Variants in CRTAC1 observed in about 807,000 individuals in gnomAD.
CRTAC1 encodes the protein acidic secreted protein in cartilage.
Under a neutral mutation model 67.8 loss-of-function variants are expected in CRTAC1, and 37 were observed. That is an observed-to-expected ratio of 0.55 (90% CI 0.42 to 0.72). The LOEUF is 0.72. Among genes scored for constraint, CRTAC1 ranks in the 30% least tolerant of loss-of-function variants. The probability of loss-of-function intolerance (pLI) is 0.00; values close to 1 mark genes in which losing one functional copy is unlikely to be tolerated. For synonymous variants in CRTAC1, 348 were observed against 371.0 expected (o/e 0.94, Z 0.71); for missense variants, 780 against 931.6 (o/e 0.84, Z 2.12).
chr10:97,876,467 C>T lies in CRTAC1; in HGVS notation c.1819+3782G>A, dbSNP rs540932051. The stretch of plus-strand genomic sequence containing the variant: ...TGAGCAGAATAAAAATGGTATTATT[C>T]TTATTATTTCTTTTTTGTTGAAAAA... On this transcript the variant is annotated intron_variant, in intron 14 of 14. Transcript: ENST00000370597. Among the ~76,000 whole-genome samples, 4 of 152,150 alleles carry T rather than the reference C, an allele frequency of 2.6e-5. No individual in the cohort carries two copies. The South Asian group carries it at 6.2e-4, about 24-fold the overall frequency.
intron 12 of CRTAC1, among the ~76,000 whole-genome samples, chr10:97,883,413 G>A (rs1266021938): frequency 6.6e-6 from 1 of 152,208 alleles, no homozygotes; most frequent in Non-Finnish European, 1.5e-5. Context: ...GCCCATATGG[G>A]GGTCTCAGAG....
chr10:97,987,122 T>C (rs2051995421), intron 2 of CRTAC1, among the ~76,000 whole-genome samples: 1 of 152,166 alleles, frequency 6.6e-6, no homozygotes, highest in Non-Finnish European at 1.5e-5. Context: ...AGAAAAAATA[T>C]CTGAAACACA....
intron 11 of CRTAC1, among the ~76,000 whole-genome samples, chr10:97,886,059 A>G (rs941914283): frequency 2.6e-5 from 4 of 152,166 alleles, no homozygotes; most frequent in African/African-American, 9.7e-5. Flanking sequence ...TATTTTAGAA[A>G]AGGAGGTTTG....
At chr10:97,890,517 C>T (rs901640630) in intron 11 of CRTAC1, among the ~76,000 whole-genome samples, 4 of 152,166 alleles carry the variant, frequency 2.6e-5, no homozygotes, top group African/African-American at 7.2e-5. Context: ...TAAGTGTGTT[C>T]CTGTGTATAT....
intron 3 of CRTAC1, among the ~76,000 whole-genome samples, chr10:97,930,991 T>A (rs1184658159): frequency 6.6e-6 from 1 of 151,258 alleles, no homozygotes; most frequent in East Asian, 1.9e-4. Flanking sequence ...GCTAATTCCC[T>A]AATTTATAAA....
At chr10:97,913,148 G>A (rs2050712625) in intron 5 of CRTAC1, among the ~76,000 whole-genome samples, 2 of 152,286 alleles carry the variant, frequency 1.3e-5, no homozygotes, top group South Asian at 2.1e-4. Flanking sequence ...GTGTGTGTGT[G>A]TAAACATGCT....
intron 7 of CRTAC1, among the ~76,000 whole-genome samples, chr10:97,904,041 G>C (rs547975239): frequency 5.2e-4 from 78 of 151,238 alleles, no homozygotes; most frequent in Non-Finnish European, 7.4e-4. Flanking sequence ...ATGCCATCCT[G>C]TATCCCCTGC....
At chr10:97,945,877 G>A (rs908261460) in intron 2 of CRTAC1, among the ~76,000 whole-genome samples, 2 of 152,206 alleles carry the variant, frequency 1.3e-5, no homozygotes, top group Non-Finnish European at 2.9e-5. Context: ...TCTGTGTTCT[G>A]TAAAAACTCC....
At position 97,895,778 on chromosome 10, in the gene CRTAC1, A is replaced by G. The variant is rs562126862; in HGVS notation, c.1317+107T>C. On this transcript the variant is annotated intron_variant, in intron 10 of 14. Transcript: ENST00000370597. This position sits in a 1 kb window ranked among gnomAD's most constrained non-coding sequence, Gnocchi z 4.2. ...TCCTCCAGGGCCCGGGACTTCCATTACCCACCATGCTGGCCAAGCCAGCAC... is the reference window on the plus strand; with the variant it reads ...TCCTCCAGGGCCCGGGACTTCCATTGCCCACCATGCTGGCCAAGCCAGCAC... 1.4e-3 allele frequency: 1,250 copies of G among 884,360 alleles called. 1 individual carries two copies. The highest frequency in any genetic ancestry group is 2.0e-3 in the Non-Finnish European group (1,160 of 572,536). The allele number at this position is 884,360 out of a possible 1,614,324, so 54.8% of individuals were successfully genotyped here.
chr10:97,992,778 CA>C (rs746678195), intron 2 of CRTAC1, among the ~76,000 whole-genome samples: 2 of 152,054 alleles, frequency 1.3e-5, no homozygotes, highest in Non-Finnish European at 2.9e-5. Flanking sequence ...TGATAGTTAT[CA>C]GGGGCTAGGA....
chr10:97,930,919 A>G (rs1245412475), intron 3 of CRTAC1, among the ~76,000 whole-genome samples: 1 of 11,600 alleles, frequency 8.6e-5, no homozygotes, highest in Non-Finnish European at 9.5e-4. Context: ...CCAAGAGCAA[A>G]GACAAAAAAA....
At chr10:97,932,892 A>G (rs1590218883) in intron 3 of CRTAC1, among the ~76,000 whole-genome samples, 1 of 152,364 alleles carries the variant, frequency 6.6e-6, no homozygotes, top group East Asian at 1.9e-4. Context: ...AATAAGGGGC[A>G]GACCCCAGGT....
At chr10:97,971,897 ACT>A (rs1439553851) in intron 2 of CRTAC1, among the ~76,000 whole-genome samples, 1 of 152,124 alleles carries the variant, frequency 6.6e-6, no homozygotes, top group African/African-American at 2.4e-5. Flanking sequence ...GTGGCTAGTA[ACT>A]CTGCCCTAAG....
intron 3 of CRTAC1, among the ~76,000 whole-genome samples, chr10:97,932,912 A>G (rs1461218991): frequency 1.3e-5 from 2 of 152,232 alleles, no homozygotes; most frequent in Non-Finnish European, 2.9e-5. Context: ...TTTGTACAAA[A>G]TGACTCCCAC....
At chr10:97,952,437 C>T (rs2051371767) in intron 2 of CRTAC1, among the ~76,000 whole-genome samples, 1 of 147,426 alleles carries the variant, frequency 6.8e-6, no homozygotes, top group South Asian at 2.1e-4. Flanking sequence ...ACTTGGGAGG[C>T]TGAGGCAGAA....
intron 3 of CRTAC1, among the ~76,000 whole-genome samples, chr10:97,935,020 G>T (rs1440792808): frequency 1.3e-5 from 2 of 152,176 alleles, no homozygotes; most frequent in African/African-American, 4.8e-5. Context: ...TGCCACAAGA[G>T]CACAGCCCCC....
chr10:97,994,758 T>C (rs1021973132), intron 2 of CRTAC1, among the ~76,000 whole-genome samples: 1 of 152,228 alleles, frequency 6.6e-6, no homozygotes, highest in African/African-American at 2.4e-5. Flanking sequence ...TAATCCCTAG[T>C]GGCCAAAGGG....
chr10:97,960,977 C>CT (rs1200419550), intron 2 of CRTAC1, among the ~76,000 whole-genome samples: 1 of 152,210 alleles, frequency 6.6e-6, no homozygotes, highest in African/African-American at 2.4e-5. Flanking sequence ...CAGATCCACT[C>CT]TTTTTTTCTT....
chr10:97,948,340 A>G (rs2051297194), intron 2 of CRTAC1, among the ~76,000 whole-genome samples: 1 of 152,142 alleles, frequency 6.6e-6, no homozygotes, highest in African/African-American at 2.4e-5. Context: ...ACCTTCAAGA[A>G]AGCTGTTTCC....
Sources: allele counts gnomAD v4.1 joint callset (sites outside exome capture counted in the v4.1 genomes callset), GRCh38; gene constraint gnomAD v4.1.1; non-coding constraint Gnocchi (gnomAD v3.1); transcripts MANE v1.5; gene names NCBI Gene and HGNC (gene_info 2026-07-23, HGNC 2026-07-21).